Variants in JMJD1C observed in about 807,000 individuals in gnomAD.
The protein encoded by JMJD1C is jumonji domain containing 1C, also known as jumonji domain-containing protein 1C.
Under a neutral mutation model 245.3 loss-of-function variants are expected in JMJD1C, and 31 were observed. That is an observed-to-expected ratio of 0.13 (90% CI 0.09 to 0.17). JMJD1C has a LOEUF of 0.17. Among genes scored for constraint, JMJD1C ranks in the 10% least tolerant of loss-of-function variants. JMJD1C has a pLI of 1.00. For missense variants in JMJD1C, 2,691 were observed against 3,000.2 expected, an observed-to-expected ratio of 0.90 and a Z score of 2.41; for synonymous variants, 1,057 against 1,017.4, an observed-to-expected ratio of 1.04 and a Z score of -0.74.
At chr10:63,247,015 A>G (rs967290797) in intron 3 of JMJD1C, among the ~76,000 whole-genome samples, 1 of 151,866 alleles carries the variant, frequency 6.6e-6, no homozygotes, top group Non-Finnish European at 1.5e-5. Flanking sequence ...GCAACAATGC[A>G]CTCCAAGGAA....
chr10:63,432,981 C>G (rs1950852619), intron 1 of JMJD1C, among the ~76,000 whole-genome samples: 1 of 152,174 alleles, frequency 6.6e-6, no homozygotes. Context: ...ATTAACTGTC[C>G]TGAGTTCTTC....
In JMJD1C at chr10:63,214,164, G is replaced by T; in HGVS notation, c.2003C>A (p.Thr668Asn). 6.2e-7 allele frequency: 1 copy of T among 1,614,122 alleles called. No homozygotes were observed. The highest frequency in any genetic ancestry group is 8.5e-7 in the Non-Finnish European group (1 of 1,180,022). ...SKATYVNSQA[T>N]GERRLANKIE... ...CTTATTTGCCAATCTTCTTTCACCA[G>T]TAGCTTGGCTGTTCACATAAGTGGC... is the stretch of plus-strand genomic sequence containing the variant. Residue 668 changes from threonine (T) to asparagine (N), a missense_variant, in exon 8 of 26, where the codon ACT becomes AAT. Physicochemically the swap from Thr to Asn is moderately conservative, Grantham distance 65 (BLOSUM62 0). Around this residue, in one of 9 missense-constraint regions of JMJD1C, gnomAD observed 1,562 missense variants for 1,490.7 expected, o/e 1.05. Transcript: ENST00000399262.
intron 24 of JMJD1C, among the ~76,000 whole-genome samples, chr10:63,175,982 C>T (rs1380709872): frequency 1.3e-5 from 2 of 151,082 alleles, no homozygotes; most frequent in Non-Finnish European, 2.9e-5. Context: ...TATACTGTGT[C>T]CCCCCATGCT....
At chr10:63,428,665 C>G (rs1389672968) in intron 1 of JMJD1C, among the ~76,000 whole-genome samples, 1 of 151,166 alleles carries the variant, frequency 6.6e-6, no homozygotes, top group Non-Finnish European at 1.5e-5. Flanking sequence ...ACTATGGAAA[C>G]AAAACATAAA....
chr10:63,206,098 T>G (rs1043086375), intron 10 of JMJD1C, among the ~76,000 whole-genome samples: 1 of 152,224 alleles, frequency 6.6e-6, no homozygotes, highest in Non-Finnish European at 1.5e-5. Context: ...GGGGGCGTCC[T>G]GGAACCAATC....
At chr10:63,373,054 G>A (rs777397176) in intron 2 of JMJD1C, 5 of 188,660 alleles carry the variant, frequency 2.7e-5, no homozygotes, top group South Asian at 2.3e-4. Context: ...TAGGTGATTC[G>A]TTGATTTCAA....
At chr10:63,388,994 A>C (rs1393888366) in intron 1 of JMJD1C, among the ~76,000 whole-genome samples, 1 of 152,198 alleles carries the variant, frequency 6.6e-6, no homozygotes, top group Non-Finnish European at 1.5e-5. Flanking sequence ...TGCACCAAAC[A>C]GCAGAGGACC....
At chr10:63,456,814 C>T (rs959277351) in intron 1 of JMJD1C, among the ~76,000 whole-genome samples, 3 of 152,082 alleles carry the variant, frequency 2.0e-5, no homozygotes, top group Non-Finnish European at 2.9e-5. Context: ...CCAAATTCAA[C>T]TTAAAATTTA....
chr10:63,349,373 G>C (rs1944143587), intron 2 of JMJD1C, among the ~76,000 whole-genome samples: 1 of 152,212 alleles, frequency 6.6e-6, no homozygotes, highest in Non-Finnish European at 1.5e-5. Context: ...TCTGTTAACA[G>C]AAGTTATCGA....
chr10:63,494,962 T>G (rs1954308031), intron 1 of JMJD1C, among the ~76,000 whole-genome samples: 1 of 152,200 alleles, frequency 6.6e-6, no homozygotes, highest in African/African-American at 2.4e-5. Flanking sequence ...TCCCTCTGTA[T>G]GTGAGAAGAC....
chr10:63,309,016 A>G (rs1020749352), intron 2 of JMJD1C, among the ~76,000 whole-genome samples: 2 of 152,176 alleles, frequency 1.3e-5, no homozygotes, highest in Admixed American at 6.5e-5. Context: ...ATACTTTTAC[A>G]ATGGTCCATC....
chr10:63,314,037 G>A (rs1231899186), intron 2 of JMJD1C, among the ~76,000 whole-genome samples: 1 of 152,176 alleles, frequency 6.6e-6, no homozygotes, highest in Non-Finnish European at 1.5e-5. Flanking sequence ...TTATCCTCTA[G>A]AATTGTTAGT....
chr10:63,500,686 C>G (rs1335116209), intron 1 of JMJD1C, among the ~76,000 whole-genome samples: 1 of 151,638 alleles, frequency 6.6e-6, no homozygotes, highest in African/African-American at 2.4e-5. Context: ...GAGCTGAGAT[C>G]GGGCCACTGA....
At chr10:63,517,564 G>A (rs1197329821) in intron 1 of JMJD1C, among the ~76,000 whole-genome samples, 1 of 152,048 alleles carries the variant, frequency 6.6e-6, no homozygotes, top group African/African-American at 2.4e-5. Flanking sequence ...CACAATGAAG[G>A]ATGCGCTTTA....
At chr10:63,370,724 A>T (rs1287295012) in intron 2 of JMJD1C, among the ~76,000 whole-genome samples, 1 of 152,226 alleles carries the variant, frequency 6.6e-6, no homozygotes, top group Non-Finnish European at 1.5e-5. Flanking sequence ...TTTGTATATT[A>T]AGGACAGTTT....
chr10:63,347,497 A>C (rs1347106967), intron 2 of JMJD1C, among the ~76,000 whole-genome samples: 1 of 150,836 alleles, frequency 6.6e-6, no homozygotes, highest in Admixed American at 6.6e-5. Context: ...AGGCAGGAGA[A>C]TTGTTGAACC....
At chr10:63,326,430 AT>A (rs2134139093) in intron 2 of JMJD1C, among the ~76,000 whole-genome samples, 1 of 148,236 alleles carries the variant, frequency 6.7e-6, no homozygotes, top group East Asian at 1.9e-4. Flanking sequence ...ATAAATAAAG[AT>A]AATAAAATAT....
At position 63,314,949 on chromosome 10, in the gene JMJD1C, C is replaced by CTTTTTTTT. The variant is rs201119978; in HGVS notation, c.334-50186_334-50185insAAAAAAAA. Reference sequence around the variant, plus strand: ...CAGGCTTGAGTTCACTGTGCCCAGCCTTTTTTGTTTTTTTTTTTTTTTTGA... The same window carrying CTTTTTTTT: ...CAGGCTTGAGTTCACTGTGCCCAGCCTTTTTTTTTTTTTTGTTTTTTTTTTTTTTTTGA... On this transcript the variant is annotated intron_variant, in intron 2 of 25. Coordinates refer to ENST00000399262, the MANE Select transcript of JMJD1C (RefSeq NM_032776.3). Among the ~76,000 whole-genome samples the CTTTTTTTT allele has an allele frequency of 6.7e-5, 8 of 118,652 alleles. 1 individual carries two copies. Among genetic ancestry groups the CTTTTTTTT allele is most frequent in the Non-Finnish European group, 1.0e-4 (6 of 58,798 alleles). 77.8% of individuals were successfully genotyped at this position (118,652 alleles called of 152,430 possible). A position where few individuals can be genotyped will look rare whatever the true frequency, so the allele number is the denominator to read the frequency against.
At chr10:63,309,785 C>T (rs923836525) in intron 2 of JMJD1C, among the ~76,000 whole-genome samples, 4 of 151,960 alleles carry the variant, frequency 2.6e-5, no homozygotes, top group East Asian at 1.9e-4. Flanking sequence ...GGTGTGGTGG[C>T]GCACGCCTGT....
Sources: allele counts gnomAD v4.1 joint callset (sites outside exome capture counted in the v4.1 genomes callset), GRCh38; gene constraint gnomAD v4.1.1; regional missense constraint gnomAD v4.1.1; transcripts MANE v1.5; gene names NCBI Gene and HGNC (gene_info 2026-07-23, HGNC 2026-07-21).